CECR2: variants seen among roughly 807,000 people sequenced by gnomAD.
CECR2 encodes the protein CECR2 histone acetyl-lysine reader.
In CECR2, 30 loss-of-function variants were observed where a neutral mutation model predicts 154.5. The observed-to-expected ratio is 0.19, with a 90% CI of 0.15 to 0.26. The LOEUF (loss-of-function observed/expected upper bound fraction) is 0.26, where lower values mean the gene tolerates loss of function less well. Among genes scored for constraint, CECR2 ranks in the 10% least tolerant of loss-of-function variants. The pLI is 1.00. For synonymous variants in CECR2, 725 were observed against 683.7 expected (o/e 1.06, Z -0.94); for missense variants, 1,743 against 1,829.3 (o/e 0.95, Z 0.86).
At chr22:17,450,534 G>A (rs1484952358) in intron 1 of CECR2, among the ~76,000 whole-genome samples, 1 of 152,220 alleles carries the variant, frequency 6.6e-6, no homozygotes, top group Non-Finnish European at 1.5e-5. Context: ...CTCCCAAAGT[G>A]CTGGGATTAC....
chr22:17,432,254 A>T (rs9618023), intron 1 of CECR2, among the ~76,000 whole-genome samples: 24,733 of 142,738 alleles, frequency 0.17, 2,368 homozygotes, highest in East Asian at 0.35. Context: ...TGGCTTTTTC[A>T]CTTAGCAGAA....
intron 1 of CECR2, among the ~76,000 whole-genome samples, chr22:17,382,991 G>C (rs2063216784): frequency 2.0e-5 from 3 of 152,282 alleles, no homozygotes; most frequent in African/African-American, 7.2e-5. Context: ...ACTTTGGGAG[G>C]CCGAGGCGGG....
chr22:17,478,966 C>T lies in CECR2; in HGVS notation c.221+1284C>T, dbSNP rs529571447. Among the ~76,000 whole-genome samples the T allele has an allele frequency of 1.2e-4, 18 of 152,206 alleles. No individual in the cohort carries two copies. In the South Asian group the frequency reaches 1.5e-3, roughly 12 times the overall value. On this transcript the variant is annotated intron_variant, in intron 2 of 18. Coordinates refer to ENST00000262608, the MANE Select transcript of CECR2 (RefSeq NM_001290047.2). ...TGTAATTTTTAAGCACTGTTGTATT[C>T]GTACCTTGTGTTTAATTCCACATTT...
At chr22:17,449,449 T>C (rs2054730838) in intron 1 of CECR2, among the ~76,000 whole-genome samples, 2 of 151,876 alleles carry the variant, frequency 1.3e-5, no homozygotes. Flanking sequence ...TCTCCCATTT[T>C]TTTCAGCTCC....
intron 1 of CECR2, among the ~76,000 whole-genome samples, chr22:17,394,414 A>C (rs1173987661): frequency 6.6e-6 from 1 of 151,260 alleles, no homozygotes; most frequent in Non-Finnish European, 1.5e-5. Flanking sequence ...TTACTATGCT[A>C]TCCAGGCTGG....
chr22:17,548,592 C>T lies in CECR2; in HGVS notation c.3305C>T (p.Pro1102Leu). Residue 1102 changes from proline to leucine, a missense_variant, in exon 17 of 19, where the codon CCC becomes CTC. By Grantham distance (98) the Pro-to-Leu change is moderately conservative. This residue lies in a region of CECR2 where 1,250 missense variants were observed against 1,192.1 expected (regional missense o/e 1.05). Coordinates refer to ENST00000262608, the MANE Select transcript of CECR2 (RefSeq NM_001290047.2). ...PCTGQNAATP[P>L]STDPGLTGGT... Reference sequence around the variant, plus strand: ...ACGGGACAGAACGCAGCGACACCGCCCAGCACAGACCCCGGTTTGACGGGA... The same window carrying T: ...ACGGGACAGAACGCAGCGACACCGCTCAGCACAGACCCCGGTTTGACGGGA... 6.2e-7 allele frequency: 1 copy of T among 1,613,588 alleles called. No homozygotes were observed. The highest frequency in any genetic ancestry group is 8.5e-7 in the Non-Finnish European group (1 of 1,179,762).
At chr22:17,467,270 A>C (rs1455460867) in intron 1 of CECR2, among the ~76,000 whole-genome samples, 31 of 152,224 alleles carry the variant, frequency 2.0e-4, no homozygotes, top group Admixed American at 2.0e-3. Context: ...GATGGGCAGC[A>C]TAATCCTCTT....
At chr22:17,451,575 C>G (rs1293326425) in intron 1 of CECR2, among the ~76,000 whole-genome samples, 1 of 152,158 alleles carries the variant, frequency 6.6e-6, no homozygotes, top group Non-Finnish European at 1.5e-5. Context: ...TTGCTCCATT[C>G]CAACCTCACA....
At chr22:17,450,340 G>A (rs1480521151) in intron 1 of CECR2, among the ~76,000 whole-genome samples, 1 of 152,102 alleles carries the variant, frequency 6.6e-6, no homozygotes, top group African/African-American at 2.4e-5. Flanking sequence ...GCGCAACATC[G>A]GCTCACTGCA....
chr22:17,533,967 G>A (rs1263775718), intron 9 of CECR2, among the ~76,000 whole-genome samples: 1 of 151,870 alleles, frequency 6.6e-6, no homozygotes, highest in South Asian at 2.1e-4. Context: ...GCCTGCCTCC[G>A]CCTCCCAAAG....
intron 7 of CECR2, among the ~76,000 whole-genome samples, chr22:17,510,340 A>C (rs2055920744): frequency 6.6e-6 from 1 of 152,136 alleles, no homozygotes; most frequent in African/African-American, 2.4e-5. Flanking sequence ...AGGCTTATAA[A>C]ATAATCGCTA....
chr22:17,529,510 CTAACACGG>C lies in CECR2; in HGVS notation c.1108+5241_1108+5248del, dbSNP rs553011205. ...GGTCAGGAGATCAAGACCATCGTGA[CTAACACGG>C]TGAAACCCCGTCTCTACTAAAAATA... On this transcript the variant is annotated intron_variant, in intron 9 of 18. Transcript: ENST00000262608. Among the ~76,000 whole-genome samples, 287 of 152,262 alleles carry C rather than the reference CTAACACGG, an allele frequency of 1.9e-3. 3 individuals are homozygous for C. Among genetic ancestry groups the C allele is most frequent in the African/African-American group, 6.5e-3 (269 of 41,548 alleles).
At chr22:17,490,944 T>C (rs1234421623) in intron 2 of CECR2, among the ~76,000 whole-genome samples, 1 of 152,196 alleles carries the variant, frequency 6.6e-6, no homozygotes, top group Admixed American at 6.5e-5. Flanking sequence ...GGTTTGAGTG[T>C]TGTAGGCCCA....
At chr22:17,421,532 G>A (rs1195644367) in intron 1 of CECR2, among the ~76,000 whole-genome samples, 5 of 144,708 alleles carry the variant, frequency 3.5e-5, no homozygotes, top group Admixed American at 7.1e-5. Flanking sequence ...GGAGAATGGC[G>A]TGAACCCGGG....
rs137905279 is a variant in CECR2, at chr22:17,464,240, T to C, written c.127-13348T>C. Among the ~76,000 whole-genome samples the C allele has an allele frequency of 3.9e-4, 59 of 152,376 alleles. No individual in the cohort carries two copies. The East Asian group carries it at 0.011, about 29-fold the overall frequency. On this transcript the variant is annotated intron_variant, in intron 1 of 18. Coordinates refer to ENST00000262608, the MANE Select transcript of CECR2 (RefSeq NM_001290047.2). ...AGGTAATTGCTTAGGCAGGAATTTC[T>C]TCTCTTTAGGCCAACTGATGAAATT... is the stretch of plus-strand genomic sequence containing the variant.
At chr22:17,474,177 G>C (rs2055172606) in intron 1 of CECR2, among the ~76,000 whole-genome samples, 1 of 152,148 alleles carries the variant, frequency 6.6e-6, no homozygotes, top group South Asian at 2.1e-4. Flanking sequence ...CCAGGGGTAA[G>C]TTCAGCAATG....
intron 1 of CECR2, among the ~76,000 whole-genome samples, chr22:17,426,068 T>C (rs1487002405): frequency 3.3e-5 from 5 of 152,188 alleles, no homozygotes; most frequent in Admixed American, 3.3e-4. Flanking sequence ...AGTTACCAAC[T>C]GAAGGACAGT....
intron 2 of CECR2, among the ~76,000 whole-genome samples, chr22:17,480,419 T>TACACACAC (rs55977287): frequency 0.094 from 12,937 of 137,244 alleles, 705 homozygotes; most frequent in Non-Finnish European, 0.13. Context: ...TCATGTATAA[T>TACACACAC]ACACACACAC....
At chr22:17,473,178 C>T in intron 1 of CECR2, among the ~76,000 whole-genome samples, 1 of 152,206 alleles carries the variant, frequency 6.6e-6, no homozygotes, top group East Asian at 1.9e-4. Flanking sequence ...TGCAGAGGGG[C>T]AGTGGTAACT....
Sources: allele counts gnomAD v4.1 joint callset (sites outside exome capture counted in the v4.1 genomes callset), GRCh38; gene constraint gnomAD v4.1.1; regional missense constraint gnomAD v4.1.1; transcripts MANE v1.5; gene names NCBI Gene and HGNC (gene_info 2026-07-23, HGNC 2026-07-21).